TICAM2: variants seen among roughly 807,000 people sequenced by gnomAD.
TICAM2 encodes the protein TIR domain-containing adapter molecule 2.
In TICAM2, 8 loss-of-function variants were observed where a neutral mutation model predicts 7.3. That is an observed-to-expected ratio of 1.10 (90% CI 0.65 to 1.99). The LOEUF (loss-of-function observed/expected upper bound fraction) is 1.99. TICAM2 is among the 30% of genes most tolerant of loss of function. The probability of loss-of-function intolerance (pLI) is 0.00; values close to 1 mark genes in which losing one functional copy is unlikely to be tolerated. For missense variants in TICAM2, 304 were observed against 278.8 expected, an observed-to-expected ratio of 1.09 and a Z score of -0.65; for synonymous variants, 113 against 99.6, an observed-to-expected ratio of 1.13 and a Z score of -0.80.
chr5:115,595,735 G>A (rs964528797), intron 1 of TICAM2, among the ~76,000 whole-genome samples: 1 of 152,138 alleles, frequency 6.6e-6, no homozygotes, highest in Admixed American at 6.5e-5. Context: ...ACTCTTGAGA[G>A]TTCTAATATC....
At chr5:115,585,050 C>T (rs1281017252) in intron 1 of TICAM2, among the ~76,000 whole-genome samples, 5 of 152,180 alleles carry the variant, frequency 3.3e-5, no homozygotes, top group African/African-American at 9.7e-5. Context: ...TGGAATCAGA[C>T]TGCCTGAGTG....
At chr5:115,584,731 C>G (rs1455091501) in intron 1 of TICAM2, among the ~76,000 whole-genome samples, 1 of 152,156 alleles carries the variant, frequency 6.6e-6, no homozygotes, top group Admixed American at 6.6e-5. Flanking sequence ...TATCCATCCC[C>G]TCAGGCAACA....
intron 1 of TICAM2, among the ~76,000 whole-genome samples, chr5:115,594,674 G>C (rs922174187): frequency 1.3e-5 from 2 of 152,096 alleles, no homozygotes; most frequent in African/African-American, 4.8e-5. Context: ...GGCTAGACCT[G>C]TTAGAAAAAA....
chr5:115,597,996 T>C (rs1238083666), intron 1 of TICAM2, among the ~76,000 whole-genome samples: 1 of 152,198 alleles, frequency 6.6e-6, no homozygotes, highest in Admixed American at 6.5e-5. Flanking sequence ...TATGTATTCC[T>C]TCATATATAT....
chr5:115,594,233 A>G (rs918250608), intron 1 of TICAM2, among the ~76,000 whole-genome samples: 5 of 152,236 alleles, frequency 3.3e-5, no homozygotes, highest in African/African-American at 1.2e-4. Flanking sequence ...TTACAGTATG[A>G]TCCCAATTCT....
In TICAM2 at chr5:115,578,770, T is replaced by C. The variant is rs1194026963; in HGVS notation, c.*1779A>G. ...TATAAAATTGGCTTTACAGGAAGCATTATGGCAAAAAAATGAATACTTATT... is the reference window on the plus strand; with the variant it reads ...TATAAAATTGGCTTTACAGGAAGCACTATGGCAAAAAAATGAATACTTATT... On this transcript the variant is annotated 3_prime_UTR_variant, in exon 2 of 2. Coordinates refer to ENST00000427199, the MANE Select transcript of TICAM2 (RefSeq NM_021649.7). The C allele has an allele frequency of 7.8e-6, 1 of 127,844 alleles. No individual in the cohort carries two copies. The highest frequency in any genetic ancestry group is 1.8e-5 in the Non-Finnish European group (1 of 55,970). 7.9% of individuals were successfully genotyped at this position (127,844 alleles called of 1,614,324 possible). A position where few individuals can be genotyped will look rare whatever the true frequency, so the allele number is the denominator to read the frequency against.
intron 1 of TICAM2, among the ~76,000 whole-genome samples, chr5:115,590,417 G>T (rs1755258356): frequency 1.3e-5 from 2 of 152,186 alleles, no homozygotes; most frequent in South Asian, 4.1e-4. Flanking sequence ...TAACTATGAA[G>T]AAATGAAATA....
Position 115,581,091 on chromosome 5 carries a change from T to C in TICAM2, c.166A>G (p.Thr56Ala). 2 of 1,614,228 alleles carry C rather than the reference T, an allele frequency of 1.2e-6. No individual in the cohort carries two copies. Among genetic ancestry groups the C allele is most frequent in the Non-Finnish European group, 1.7e-6 (2 of 1,180,042 alleles). ...AEHSNTTEGPTGKQEGAQSVE... is the reference protein window; with the variant it reads ...AEHSNTTEGPAGKQEGAQSVE... ...CTCTGAGCTCCCTCCTGCTTTCCTG[T>C]TGGCCCCTCTGTTGTATTGCTGTGC... The change falls in exon 2 of 2, where the codon ACA becomes GCA. Residue 56 changes from threonine (T) to alanine (A), a missense_variant. Coordinates refer to ENST00000427199, the MANE Select transcript of TICAM2 (RefSeq NM_021649.7).
chr5:115,584,224 ATT>A (rs1755026715), intron 1 of TICAM2, among the ~76,000 whole-genome samples: 1 of 152,176 alleles, frequency 6.6e-6, no homozygotes, highest in African/African-American at 2.4e-5. Context: ...TATTCTTGTT[ATT>A]CTTTCCTTTT....
At chr5:115,588,358 T>C (rs1405724654) in intron 1 of TICAM2, among the ~76,000 whole-genome samples, 1 of 152,212 alleles carries the variant, frequency 6.6e-6, no homozygotes, top group Non-Finnish European at 1.5e-5. Context: ...CAGGATAATG[T>C]CTGTGATGAA....
At chr5:115,594,342 G>T (rs1187109798) in intron 1 of TICAM2, among the ~76,000 whole-genome samples, 1 of 152,146 alleles carries the variant, frequency 6.6e-6, no homozygotes, top group Non-Finnish European at 1.5e-5. Flanking sequence ...ACACACATAT[G>T]GTTGTGTGCT....
chr5:115,581,284 A>G lies in TICAM2; in HGVS notation c.-28T>C, dbSNP rs757998309. The G allele has an allele frequency of 1.2e-6, 2 of 1,601,720 alleles. No homozygotes were observed. Among genetic ancestry groups the G allele is most frequent in the South Asian group, 2.2e-5 (2 of 90,976 alleles). ...TAAATATCCAAGGCAGAAGAGGAAA[A>G]CTTTATGTATTTCTCAGCATTTCTT... is the stretch of plus-strand genomic sequence containing the variant. On this transcript the variant is annotated 5_prime_UTR_variant, in exon 2 of 2. Transcript: ENST00000427199.
rs1754813728 is a variant in TICAM2 at position 115,578,851 on chromosome 5, A to T, written c.*1698T>A. ...AGCTACTATCAGAACGTTAAGGCTA[A>T]GAAAATGTCACTATGCAATGAAAAC... On this transcript the variant is annotated 3_prime_UTR_variant, in exon 2 of 2. Coordinates refer to ENST00000427199, the MANE Select transcript of TICAM2 (RefSeq NM_021649.7). 6.6e-6 allele frequency: 1 copy of T among 152,324 alleles called. No homozygotes were observed. 9.4% of individuals were successfully genotyped at this position (152,324 alleles called of 1,614,324 possible).
At chr5:115,591,672 C>T (rs1472313727) in intron 1 of TICAM2, among the ~76,000 whole-genome samples, 1 of 151,770 alleles carries the variant, frequency 6.6e-6, no homozygotes, top group African/African-American at 2.4e-5. Flanking sequence ...ATTAGATCAG[C>T]AGCAGAAGGA....
At chr5:115,592,885 G>A (rs1158969594) in intron 1 of TICAM2, among the ~76,000 whole-genome samples, 7 of 152,232 alleles carry the variant, frequency 4.6e-5, no homozygotes, top group Non-Finnish European at 1.0e-4. Context: ...GCTCACGCCT[G>A]TAATCCCAAC....
chr5:115,595,692 C>T (rs1310178175), intron 1 of TICAM2, among the ~76,000 whole-genome samples: 1 of 152,164 alleles, frequency 6.6e-6, no homozygotes, highest in Non-Finnish European at 1.5e-5. Flanking sequence ...TCCAATCTCT[C>T]CTTTTATCCA....
intron 1 of TICAM2, among the ~76,000 whole-genome samples, chr5:115,590,301 C>T (rs1326590309): frequency 6.6e-6 from 1 of 152,078 alleles, no homozygotes; most frequent in Non-Finnish European, 1.5e-5. Context: ...CAGAGCAAGG[C>T]ACTGTCTCAA....
At position 115,580,931 on chromosome 5, in the gene TICAM2, C is replaced by A; in HGVS notation, c.326G>T (p.Gly109Val). The change falls in exon 2 of 2, where the codon GGA (glycine) becomes GTA (valine). Residue 109 changes from glycine to valine, a missense_variant. Gly to Val is a moderately radical substitution (Grantham distance 109). Coordinates refer to ENST00000427199, the MANE Select transcript of TICAM2 (RefSeq NM_021649.7). ...ACATGGCATCTCAGCAAAGATTATT[C>A]CGGGTTTGATACCAAAGTCATCTTG... is the stretch of plus-strand genomic sequence containing the variant. ...LLQDDFGIKP[G>V]IIFAEMPCGR... 1 of 1,613,694 alleles carries A rather than the reference C, an allele frequency of 6.2e-7. No individual in the cohort carries two copies. The highest frequency in any genetic ancestry group is 8.5e-7 in the Non-Finnish European group (1 of 1,179,716).
intron 1 of TICAM2, among the ~76,000 whole-genome samples, chr5:115,593,720 C>G (rs1755400632): frequency 6.6e-6 from 1 of 152,116 alleles, no homozygotes; most frequent in South Asian, 2.1e-4. Flanking sequence ...ATAGTCAATA[C>G]ACTTGGAAGA....
Sources: gnomAD v4.1 joint callset for allele counts (sites outside exome capture counted in the v4.1 genomes callset) on GRCh38, gnomAD v4.1.1 for gene constraint, MANE v1.5 for transcripts, NCBI Gene and HGNC (gene_info 2026-07-23, HGNC 2026-07-21) for gene names.